The following RGPD3 variants were observed in gnomAD, a reference collection of about 807,000 sequenced individuals.
RGPD3 encodes RANBP2 like and GRIP domain containing 3, also known as ranBP2-like and GRIP domain-containing protein 3.
Under a neutral mutation model 154.5 loss-of-function variants are expected in RGPD3, and 62 were observed. The ratio of observed to expected loss-of-function variants is 0.40; its 90% CI spans 0.33 to 0.50. The LOEUF (loss-of-function observed/expected upper bound fraction) is 0.50, where lower values mean the gene tolerates loss of function less well. Among genes scored for constraint, RGPD3 ranks in the 20% least tolerant of loss-of-function variants. The pLI is 0.59. For synonymous variants in RGPD3, 308 were observed against 607.0 expected (o/e 0.51, Z 7.24); for missense variants, 919 against 1,716.8 (o/e 0.54, Z 8.21).
intron 1 of RGPD3, among the ~76,000 whole-genome samples, chr2:106,462,029 G>A (rs1465920623): frequency 1.3e-5 from 2 of 151,694 alleles, no homozygotes; most frequent in African/African-American, 2.4e-5. Context: ...GACTACAGGC[G>A]CACACCACCA....
chr2:106,450,979 C>T (rs192194851), intron 6 of RGPD3, among the ~76,000 whole-genome samples: 6 of 149,498 alleles, frequency 4.0e-5, no homozygotes, highest in Admixed American at 1.3e-4. Context: ...GTCCCAGCTA[C>T]TCGGGAGGCT....
chr2:106,403,990 AAC>A lies in RGPD3; in HGVS notation c.*1227_*1228del, dbSNP rs1181365326. ...ATTATCCAATTTTTGATTTAAGAAC[AAC>A]ACAGTTTGGATCTAGTCATTAAAAC... On this transcript the variant is annotated 3_prime_UTR_variant, in exon 23 of 23. Coordinates refer to ENST00000409886, the MANE Select transcript of RGPD3 (RefSeq NM_001144013.2). Among the ~76,000 whole-genome samples the A allele has an allele frequency of 6.6e-6, 1 of 152,224 alleles. No homozygotes were observed. Among genetic ancestry groups the A allele is most frequent in the African/African-American group, 2.4e-5 (1 of 41,444 alleles).
Position 106,404,347 on chromosome 2 carries a change from T to C in RGPD3, c.*872A>G, listed in dbSNP as rs1437493610. ...AAGTGGTGGGCCCACCTATTCATAG[T>C]CAGTGTTACACTAGCCAGCTCTAGG... is the stretch of plus-strand genomic sequence containing the variant. On this transcript the variant is annotated 3_prime_UTR_variant, in exon 23 of 23. Coordinates refer to ENST00000409886, the MANE Select transcript of RGPD3 (RefSeq NM_001144013.2). Among the ~76,000 whole-genome samples, 3 of 149,288 alleles carry C rather than the reference T, an allele frequency of 2.0e-5. No individual in the cohort carries two copies. Among genetic ancestry groups the C allele is most frequent in the African/African-American group, 7.5e-5 (3 of 40,002 alleles).
chr2:106,405,195 C>T lies in RGPD3; in HGVS notation c.*24G>A, dbSNP rs1182551965. The T allele has an allele frequency of 1.2e-6, 2 of 1,609,238 alleles. No homozygotes were observed. The highest frequency in any genetic ancestry group is 1.3e-5 in the African/African-American group (1 of 74,568). On this transcript the variant is annotated 3_prime_UTR_variant, in exon 23 of 23. Transcript: ENST00000409886. ...CAAACCAACTACGAAGATAGGATGC[C>T]CATCCAGAAGAACGGGAAGCATTTT... is the stretch of plus-strand genomic sequence containing the variant.
chr2:106,466,290 G>C (rs1281438918), intron 1 of RGPD3, among the ~76,000 whole-genome samples: 2 of 144,728 alleles, frequency 1.4e-5, no homozygotes, highest in Non-Finnish European at 3.2e-5. Flanking sequence ...GCGCCAGCCG[G>C]CGGGCGCCGC....
chr2:106,468,127 G>A (rs1276529912), intron 1 of RGPD3, 90 bp downstream of exon 1: 26 of 1,483,816 alleles, frequency 1.8e-5, no homozygotes, highest in Non-Finnish European at 2.3e-5. Context: ...CGGGAGCCAT[G>A]ACGCCTGAGC....
At chr2:106,446,866 G>A (rs1200417054) in intron 7 of RGPD3, among the ~76,000 whole-genome samples, 1 of 151,638 alleles carries the variant, frequency 6.6e-6, no homozygotes, top group Non-Finnish European at 1.5e-5. Flanking sequence ...TGGCGACAGA[G>A]AGAGACTTGG....
At chr2:106,444,913 C>G (rs1452725444) in intron 7 of RGPD3, among the ~76,000 whole-genome samples, 1 of 125,638 alleles carries the variant, frequency 8.0e-6, no homozygotes, top group African/African-American at 3.1e-5. Context: ...TTACGGTGAG[C>G]TACGATTACG....
upstream of RGPD3, among the ~76,000 whole-genome samples, chr2:106,469,322 A>C (rs1678751998): frequency 6.7e-6 from 1 of 150,278 alleles, no homozygotes; most frequent in Non-Finnish European, 1.5e-5. Flanking sequence ...AAAAGGCACT[A>C]TTACCAGGCT....
chr2:106,421,500 A>T (rs1486930374), intron 20 of RGPD3, among the ~76,000 whole-genome samples: 1 of 151,356 alleles, frequency 6.6e-6, no homozygotes, highest in African/African-American at 2.4e-5. Context: ...GGCATGGCTA[A>T]GATGTGTTAC....
At chr2:106,461,415 A>G (rs1678401050) in intron 1 of RGPD3, among the ~76,000 whole-genome samples, 1 of 152,214 alleles carries the variant, frequency 6.6e-6, no homozygotes, top group South Asian at 2.1e-4. Flanking sequence ...GCAGGTGGGG[A>G]GCACATACAG....
rs1676472750 is a variant in RGPD3 at position 106,405,230 on chromosome 2, C to A, written c.5267-1G>T. 6 of 1,605,942 alleles carry A rather than the reference C, an allele frequency of 3.7e-6. No homozygotes were observed. The highest frequency in any genetic ancestry group is 3.4e-5 in the Admixed American group (2 of 58,540). On this transcript the variant is annotated splice_acceptor_variant, in intron 22 of 22. Coordinates refer to ENST00000409886, the MANE Select transcript of RGPD3 (RefSeq NM_001144013.2). LOFTEE classifies it high-confidence loss of function. ...GAACGGGAAGCATTTTATTCCTCAC[C>A]TTTGGAAAGTAAAACAAAAAAAAAG...
intron 17 of RGPD3, among the ~76,000 whole-genome samples, chr2:106,430,017 G>A (rs1250947090): frequency 6.6e-6 from 1 of 152,048 alleles, no homozygotes; most frequent in African/African-American, 2.4e-5. Context: ...CCAACTAGCT[G>A]GGATTACAGG....
In RGPD3 at chr2:106,404,167, C is replaced by T. The variant is rs1363905290; in HGVS notation, c.*1052G>A. The stretch of plus-strand genomic sequence containing the variant: ...TCTGCCAAAAACACTGAAAGCACCA[C>T]TTTTATATTTAGATTCAATGCTGAG... On this transcript the variant is annotated 3_prime_UTR_variant, in exon 23 of 23. Coordinates refer to ENST00000409886, the MANE Select transcript of RGPD3 (RefSeq NM_001144013.2). Among the ~76,000 whole-genome samples the T allele has an allele frequency of 6.6e-6, 1 of 150,868 alleles. No homozygotes were observed. Among genetic ancestry groups the T allele is most frequent in the Admixed American group, 6.6e-5 (1 of 15,184 alleles).
rs1677558619 is a variant in RGPD3, at chr2:106,436,399, T to G, written c.1634+15A>C. 8.3e-6 allele frequency: 13 copies of G among 1,561,474 alleles called. No individual in the cohort carries two copies. The East Asian group carries it at 2.9e-4, about 35-fold the overall frequency. On this transcript the variant is annotated intron_variant, in intron 11 of 22. Transcript: ENST00000409886. ...ACGCACTAAGTGAAAGCAATATTTT[T>G]GTTTTACTACTTACACTGCTTTTCT...
At chr2:106,451,452 A>G (rs6749859) in intron 6 of RGPD3, among the ~76,000 whole-genome samples, 102,327 of 132,998 alleles carry the variant, frequency 0.77, 39,807 homozygotes, top group East Asian at 1. Context: ...CAAAAAGGAG[A>G]AGATTACTAA....
Position 106,467,682 on chromosome 2 carries a change from C to G in RGPD3, c.72+535G>C, listed in dbSNP as rs1228891098. Among the ~76,000 whole-genome samples, 3 of 143,474 alleles carry G rather than the reference C, an allele frequency of 2.1e-5. No individual in the cohort carries two copies. The East Asian group carries it at 6.2e-4, about 30-fold the overall frequency. 94.1% of individuals were successfully genotyped at this position (143,474 alleles called of 152,430 possible). A position where few individuals can be genotyped will look rare whatever the true frequency, so the allele number is the denominator to read the frequency against. On this transcript the variant is annotated intron_variant, in intron 1 of 22. Coordinates refer to ENST00000409886, the MANE Select transcript of RGPD3 (RefSeq NM_001144013.2). ...CAGCGCCCGTCGGGAGCCATGACGC[C>G]TGAGCCATCGAGGCAGCCGCCGGGC...
At chr2:106,444,887 C>T (rs1458068455) in intron 7 of RGPD3, among the ~76,000 whole-genome samples, 4 of 122,984 alleles carry the variant, frequency 3.3e-5, no homozygotes, top group South Asian at 2.9e-4. Context: ...CTGGGAAGCT[C>T]GAGCCCAGTT....
upstream of RGPD3, chr2:106,470,821 G>A: frequency 2.5e-6 from 4 of 1,604,194 alleles, no homozygotes; most frequent in South Asian, 1.1e-5. Context: ...GATCCAAGGA[G>A]TTTACTAAGA....
Sources: gnomAD v4.1 joint callset for allele counts (sites outside exome capture counted in the v4.1 genomes callset) on GRCh38, gnomAD v4.1.1 for gene constraint, MANE v1.5 for transcripts, NCBI Gene and HGNC (gene_info 2026-07-23, HGNC 2026-07-21) for gene names.